Variants in GRID2 observed in about 807,000 individuals in gnomAD.
GRID2 encodes the protein glutamate receptor ionotropic, delta-2.
A neutral mutation model predicts 114.8 loss-of-function variants in GRID2; 33 were observed. The observed-to-expected ratio is 0.29, with a 90% CI of 0.22 to 0.38. The LOEUF (loss-of-function observed/expected upper bound fraction) is 0.38. Among genes scored for constraint, GRID2 ranks in the 10% least tolerant of loss-of-function variants. The pLI is 1.00. For missense variants in GRID2, 1,184 were observed against 1,257.7 expected (o/e 0.94, Z 0.89); for synonymous variants, 505 against 449.9 (o/e 1.12, Z -1.55).
chr4:93,200,771 G>A (rs1382919809), intron 4 of GRID2, among the ~76,000 whole-genome samples: 3 of 152,104 alleles, frequency 2.0e-5, no homozygotes, highest in Non-Finnish European at 4.4e-5. Flanking sequence ...GAAATGTGTG[G>A]CTAAATTAAC....
At chr4:92,727,221 G>A (rs1261853863) in intron 2 of GRID2, among the ~76,000 whole-genome samples, 3 of 151,964 alleles carry the variant, frequency 2.0e-5, no homozygotes, top group Non-Finnish European at 2.9e-5. Context: ...AGTAAAAAAA[G>A]TTCGTATACA....
chr4:92,772,765 G>A (rs1399419643), intron 2 of GRID2, among the ~76,000 whole-genome samples: 2 of 152,136 alleles, frequency 1.3e-5, no homozygotes, highest in Non-Finnish European at 2.9e-5. Flanking sequence ...AATGAAGGTT[G>A]AGAATTTATA....
At chr4:93,787,834 T>C (rs1393305377) in intron 1 of GRID2, among the ~76,000 whole-genome samples, 2 of 152,204 alleles carry the variant, frequency 1.3e-5, no homozygotes, top group Non-Finnish European at 2.9e-5. Context: ...TACTAATTAC[T>C]GGCTTAGCTA....
chr4:93,512,656 A>G (rs1476302919), intron 12 of GRID2, among the ~76,000 whole-genome samples: 2 of 152,202 alleles, frequency 1.3e-5, no homozygotes, highest in African/African-American at 4.8e-5. Flanking sequence ...CTAAATTACA[A>G]AATGCTCTGC....
chr4:93,193,144 G>T (rs1255492264), intron 4 of GRID2, among the ~76,000 whole-genome samples: 2 of 152,110 alleles, frequency 1.3e-5, no homozygotes, highest in African/African-American at 4.8e-5. Flanking sequence ...ATCTTGGAAG[G>T]AAAGCTTTTA....
At chr4:93,040,487 T>C (rs1255725160) in intron 2 of GRID2, among the ~76,000 whole-genome samples, 1 of 152,144 alleles carries the variant, frequency 6.6e-6, no homozygotes. Flanking sequence ...GTATTCTTTT[T>C]CTTCTTCCCC....
In GRID2 at chr4:92,816,318, C is replaced by CAAAAAAAAAAAAAAAAAAAAAAAAA. The variant is rs764487348; in HGVS notation, c.244+226055_244+226056insAAAAAAAAAAAAAAAAAAAAAAAAA. Among the ~76,000 whole-genome samples the CAAAAAAAAAAAAAAAAAAAAAAAAA allele has an allele frequency of 1.0e-4, 5 of 48,256 alleles. 1 individual carries two copies. In the East Asian group the frequency reaches 2.2e-3, roughly 21 times the overall value. The allele number at this position is 48,256 out of a possible 152,430, so 31.7% of individuals were successfully genotyped here. ...CAACAAGAGTAAATCTCTGTCTCAC[C>CAAAAAAAAAAAAAAAAAAAAAAAAA]AAAAAAAAAAAAAAAAAAAAAAAGT... On this transcript the variant is annotated intron_variant, in intron 2 of 15. Coordinates refer to ENST00000282020, the MANE Select transcript of GRID2 (RefSeq NM_001510.4).
intron 14 of GRID2, among the ~76,000 whole-genome samples, chr4:93,650,299 A>C (rs1722472105): frequency 6.6e-6 from 1 of 152,194 alleles, no homozygotes; most frequent in Non-Finnish European, 1.5e-5. Flanking sequence ...CTCAATTAAA[A>C]GAACTGTCTT....
chr4:92,504,366 C>G (rs888684390), intron 1 of GRID2, among the ~76,000 whole-genome samples: 2 of 151,892 alleles, frequency 1.3e-5, no homozygotes, highest in African/African-American at 4.8e-5. Context: ...GGACTGTGTG[C>G]TACCTAAGCA....
intron 9 of GRID2, among the ~76,000 whole-genome samples, chr4:93,411,710 G>A (rs924521504): frequency 2.6e-5 from 4 of 151,936 alleles, no homozygotes; most frequent in Non-Finnish European, 5.9e-5. Flanking sequence ...GGGATTACAG[G>A]CATGAGCCAC....
rs374423756 is a variant in GRID2 at position 92,314,512 on chromosome 4, G to A, written c.88+9768G>A. ...TTTTTAATGTGTAGAGGGACAAAAA[G>A]GATATATGTGTTGAGGATACCTAAT... On this transcript the variant is annotated intron_variant, in intron 1 of 15. Coordinates refer to ENST00000282020, the MANE Select transcript of GRID2 (RefSeq NM_001510.4). Among the ~76,000 whole-genome samples the A allele has an allele frequency of 7.9e-5, 12 of 152,100 alleles. No individual in the cohort carries two copies. The East Asian group carries it at 2.1e-3, about 27-fold the overall frequency.
chr4:93,454,549 G>A (rs1191370196), intron 10 of GRID2, among the ~76,000 whole-genome samples: 1 of 151,924 alleles, frequency 6.6e-6, no homozygotes, highest in East Asian at 1.9e-4. Context: ...AAAGATATAT[G>A]AACTCGGTAC....
intron 1 of GRID2, among the ~76,000 whole-genome samples, chr4:92,409,218 G>T (rs944053474): frequency 2.6e-5 from 4 of 152,032 alleles, no homozygotes; most frequent in Admixed American, 6.6e-5. Flanking sequence ...CGTGTATTTT[G>T]GCTGTAATAC....
At chr4:92,337,206 C>T (rs1727230752) in intron 1 of GRID2, among the ~76,000 whole-genome samples, 3 of 151,926 alleles carry the variant, frequency 2.0e-5, no homozygotes, top group Non-Finnish European at 4.4e-5. Flanking sequence ...CTTATCTTTT[C>T]TAAAATAATG....
chr4:93,535,432 C>A (rs1028580903), intron 13 of GRID2, among the ~76,000 whole-genome samples: 2 of 151,972 alleles, frequency 1.3e-5, no homozygotes, highest in Non-Finnish European at 2.9e-5. Flanking sequence ...ATTGCTAACT[C>A]ATATGGTAGT....
chr4:92,324,034 C>A (rs1463808988), intron 1 of GRID2, among the ~76,000 whole-genome samples: 1 of 151,872 alleles, frequency 6.6e-6, no homozygotes, highest in Non-Finnish European at 1.5e-5. Flanking sequence ...ACATGGGATC[C>A]ATTTTTACCT....
At chr4:93,181,651 C>T (rs915040535) in intron 4 of GRID2, among the ~76,000 whole-genome samples, 4 of 152,180 alleles carry the variant, frequency 2.6e-5, no homozygotes, top group Non-Finnish European at 5.9e-5. Context: ...GCACTTGCTA[C>T]TTCACCTTGC....
At chr4:93,739,514 G>A (rs1277030066) in intron 14 of GRID2, among the ~76,000 whole-genome samples, 1 of 151,986 alleles carries the variant, frequency 6.6e-6, no homozygotes, top group African/African-American at 2.4e-5. Context: ...AAAAACATGG[G>A]ATTATCCCAT....
intron 2 of GRID2, among the ~76,000 whole-genome samples, chr4:92,873,736 T>C (rs1398927784): frequency 6.6e-6 from 1 of 152,118 alleles, no homozygotes. Flanking sequence ...TGTTTTGAGA[T>C]GGAATTTCGC....
Sources: allele counts gnomAD v4.1 joint callset (sites outside exome capture counted in the v4.1 genomes callset), GRCh38; gene constraint gnomAD v4.1.1; transcripts MANE v1.5; gene names NCBI Gene and HGNC (gene_info 2026-07-23, HGNC 2026-07-21).